Variants in GSG1L observed in about 807,000 individuals in gnomAD.
GSG1L encodes the protein germ cell-specific gene 1-like protein.
A neutral mutation model predicts 42.1 loss-of-function variants in GSG1L; 24 were observed. The observed-to-expected ratio is 0.57, with a 90% CI of 0.41 to 0.80. The LOEUF is 0.80. Ranked by LOEUF, GSG1L falls within the 30% of genes least tolerant of loss-of-function variation. The pLI is 0.00. For synonymous variants in GSG1L, 215 were observed against 203.5 expected (o/e 1.06, Z -0.48); for missense variants, 445 against 472.2 (o/e 0.94, Z 0.53).
intron 6 of GSG1L, among the ~76,000 whole-genome samples, chr16:27,798,706 C>T (rs1018750507): frequency 2.0e-5 from 3 of 152,184 alleles, no homozygotes; most frequent in Non-Finnish European, 1.5e-5. Flanking sequence ...CTGTCCCACA[C>T]TGAGGAATTG....
At position 27,884,017 on chromosome 16, in the gene GSG1L, G is replaced by C. The variant is rs1438266698; in HGVS notation, c.550+469C>G. Among the ~76,000 whole-genome samples, 1 of 152,172 alleles carries C rather than the reference G, an allele frequency of 6.6e-6. No homozygotes were observed. The highest frequency in any genetic ancestry group is 2.4e-5 in the African/African-American group (1 of 41,450). ...TCGACTTCCCATGCAGCATCTCCAC[G>C]TGGAGTTCTCAAAGCCAGATGAGCT... On this transcript the variant is annotated intron_variant, in intron 3 of 6. Transcript: ENST00000447459. The surrounding 1 kb of genome is among the most constrained non-coding windows in gnomAD (Gnocchi z 4.4).
chr16:27,821,287 T>C (rs1206240809), intron 5 of GSG1L, among the ~76,000 whole-genome samples: 1 of 152,152 alleles, frequency 6.6e-6, no homozygotes, highest in Non-Finnish European at 1.5e-5. Flanking sequence ...TTTTGATTTC[T>C]TGTATTTTTT....
intron 4 of GSG1L, among the ~76,000 whole-genome samples, chr16:27,841,357 C>T (rs941883602): frequency 3.3e-5 from 5 of 152,202 alleles, no homozygotes; most frequent in Non-Finnish European, 7.3e-5. Flanking sequence ...AGACTCTTAA[C>T]CATGGAGACC....
In GSG1L at chr16:27,865,523, CTATATATATATATA is replaced by C. The variant is rs1172385916; in HGVS notation, c.550+18949_550+18962del. 4.6e-4 allele frequency among the ~76,000 whole-genome samples: 27 copies of C among 58,268 alleles called. 2 individuals carry two copies. The East Asian group carries it at 0.011, about 24-fold the overall frequency. The allele number at this position is 58,268 out of a possible 152,430, so 38.2% of individuals were successfully genotyped here. A position where few individuals can be genotyped will look rare whatever the true frequency, so the allele number is the denominator to read the frequency against. The stretch of plus-strand genomic sequence containing the variant: ...CGCTTCTTTCTTTCTCTCTCTCTTT[CTATATATATATATA>C]TATATATATATATATATATATATAT... On this transcript the variant is annotated intron_variant, in intron 3 of 6. Transcript: ENST00000447459.
intron 5 of GSG1L, among the ~76,000 whole-genome samples, chr16:27,807,779 A>C (rs1028209693): frequency 6.6e-6 from 1 of 152,222 alleles, no homozygotes; most frequent in Non-Finnish European, 1.5e-5. Flanking sequence ...AGGTGATGTG[A>C]CCAACCCAGT....
At chr16:27,948,869 A>G (rs2084918401) in intron 2 of GSG1L, among the ~76,000 whole-genome samples, 1 of 148,532 alleles carries the variant, frequency 6.7e-6, no homozygotes, top group African/African-American at 2.5e-5. Flanking sequence ...TCGGCCTCCC[A>G]AAGTGCTGGG....
intron 4 of GSG1L, 74 bp downstream of exon 4, chr16:27,844,872 CTGGG>C: frequency 3.9e-6 from 2 of 511,876 alleles, no homozygotes; most frequent in South Asian, 3.1e-5. Context: ...CCCCACCCCA[CTGGG>C]CTGAGCTGCT....
At position 27,789,690 on chromosome 16, in the gene GSG1L, T is replaced by TGATGGATGGATGGATG. The variant is rs145266796; in HGVS notation, c.*1664_*1679dup. 40 of 141,994 alleles carry TGATGGATGGATGGATG rather than the reference T, an allele frequency of 2.8e-4. No individual in the cohort carries two copies. Among genetic ancestry groups the TGATGGATGGATGGATG allele is most frequent in the African/African-American group, 5.9e-4 (22 of 37,480 alleles). 8.8% of individuals were successfully genotyped at this position (141,994 alleles called of 1,614,324 possible). On this transcript the variant is annotated 3_prime_UTR_variant, in exon 7 of 7. Transcript: ENST00000447459. ...AAAGCATAGACAATGAATGGATAGATGATGGATGGATGGATGGATGGATGG... is the reference window on the plus strand; with the variant it reads ...AAAGCATAGACAATGAATGGATAGATGATGGATGGATGGATGGATGGATGGATGGATGGATGGATGG...
chr16:27,911,558 TTCTC>T (rs1205544830), intron 2 of GSG1L, among the ~76,000 whole-genome samples: 1 of 152,048 alleles, frequency 6.6e-6, no homozygotes, highest in Non-Finnish European at 1.5e-5. Context: ...TCCCATCCCT[TTCTC>T]TCTTTACTCC....
chr16:27,925,762 GGGTGACAA>G (rs1376985894), intron 2 of GSG1L, among the ~76,000 whole-genome samples: 1 of 152,122 alleles, frequency 6.6e-6, no homozygotes, highest in East Asian at 1.9e-4. Flanking sequence ...GAGGGGCTGG[GGGTGACAA>G]GGTGAAAGAT....
intron 1 of GSG1L, among the ~76,000 whole-genome samples, chr16:28,043,396 C>T (rs1383343341): frequency 6.6e-6 from 1 of 152,244 alleles, no homozygotes; most frequent in East Asian, 1.9e-4. Flanking sequence ...TTCAGAGGTA[C>T]CAACAGCTGG....
chr16:28,030,767 A>ATGGGATGGGATGGGATGGGT (rs2085949263), intron 1 of GSG1L, among the ~76,000 whole-genome samples: 1 of 130,026 alleles, frequency 7.7e-6, no homozygotes, highest in Non-Finnish European at 1.6e-5. Flanking sequence ...ATGGGATGGG[A>ATGGGATGGGATGGGATGGGT]TGGGATGGGA....
At chr16:27,975,943 C>T (rs1445222283) in intron 1 of GSG1L, among the ~76,000 whole-genome samples, 1 of 152,136 alleles carries the variant, frequency 6.6e-6, no homozygotes, top group Non-Finnish European at 1.5e-5. Flanking sequence ...CTTTGGAATC[C>T]TCTCTCCAAA....
chr16:27,911,089 C>T (rs189671721), intron 2 of GSG1L, among the ~76,000 whole-genome samples: 140 of 152,212 alleles, frequency 9.2e-4, no homozygotes, highest in Admixed American at 7.7e-3. Flanking sequence ...GGCTGGGGAC[C>T]TGGCACTCCC....
intron 2 of GSG1L, among the ~76,000 whole-genome samples, chr16:27,904,296 C>A (rs2084295015): frequency 6.6e-6 from 1 of 152,018 alleles, no homozygotes; most frequent in South Asian, 2.1e-4. Context: ...TCTTAAACTC[C>A]TGAGGTCAAG....
intron 2 of GSG1L, among the ~76,000 whole-genome samples, chr16:27,913,769 C>T (rs1312957045): frequency 6.6e-6 from 1 of 151,934 alleles, no homozygotes; most frequent in African/African-American, 2.4e-5. Context: ...CTTTCTGGTC[C>T]TTTTAAAGAA....
chr16:27,899,055 A>G (rs2084226092), intron 2 of GSG1L, among the ~76,000 whole-genome samples: 1 of 152,206 alleles, frequency 6.6e-6, no homozygotes, highest in African/African-American at 2.4e-5. Flanking sequence ...GCAGTCAGGG[A>G]GGACACAGAT....
chr16:27,946,602 A>G (rs968020742), intron 2 of GSG1L, among the ~76,000 whole-genome samples: 2 of 6,862 alleles, frequency 2.9e-4, no homozygotes, highest in African/African-American at 4.4e-4. Context: ...AGAGAGAGAG[A>G]GAGAGAGAGA....
At chr16:27,803,479 T>C (rs559019821) in intron 6 of GSG1L, among the ~76,000 whole-genome samples, 2 of 152,208 alleles carry the variant, frequency 1.3e-5, no homozygotes, top group East Asian at 3.9e-4. Context: ...TTAGTCTCTC[T>C]TCCTCACTCC....
Sources: gnomAD v4.1 joint callset for allele counts (sites outside exome capture counted in the v4.1 genomes callset) on GRCh38, gnomAD v4.1.1 for gene constraint, Gnocchi (gnomAD v3.1) non-coding constraint, MANE v1.5 for transcripts, NCBI Gene and HGNC (gene_info 2026-07-23, HGNC 2026-07-21) for gene names.